The following CYP7B1 variants were observed in gnomAD, a reference collection of about 807,000 sequenced individuals.
CYP7B1 encodes the protein cytochrome P450 family 7 subfamily B member 1.
A neutral mutation model predicts 42.7 loss-of-function variants in CYP7B1; 29 were observed. That is an observed-to-expected ratio of 0.68 (90% CI 0.51 to 0.93). CYP7B1 has a LOEUF of 0.93. CYP7B1 is among the 40% of genes least tolerant of loss of function. The pLI is 0.00. For synonymous variants in CYP7B1, 235 were observed against 218.2 expected (o/e 1.08, Z -0.68); for missense variants, 655 against 600.5 (o/e 1.09, Z -0.95).
chr8:64,612,614 A>G (rs1270815473), intron 4 of CYP7B1, among the ~76,000 whole-genome samples: 4 of 152,136 alleles, frequency 2.6e-5, no homozygotes, highest in Admixed American at 2.6e-4. Context: ...TTATAATCAA[A>G]GTGTGCTGAC....
chr8:64,680,567 C>CAAAA (rs36027601), intron 1 of CYP7B1, among the ~76,000 whole-genome samples: 7 of 149,650 alleles, frequency 4.7e-5, no homozygotes, highest in African/African-American at 1.7e-4. Flanking sequence ...TAAGAATTCA[C>CAAAA]AAAAAAAAAC....
chr8:64,728,032 T>C (rs771218619), intron 1 of CYP7B1: 1 of 152,268 alleles, frequency 6.6e-6, no homozygotes, highest in African/African-American at 2.4e-5. Flanking sequence ...AATAGGGTCA[T>C]AAGTCGTGGG....
chr8:64,758,258 C>G (rs1264351809), intron 1 of CYP7B1, among the ~76,000 whole-genome samples: 2 of 152,296 alleles, frequency 1.3e-5, no homozygotes, highest in Non-Finnish European at 1.5e-5. Flanking sequence ...ACAAATGTCA[C>G]TGGCTGAATG....
chr8:64,736,519 T>C (rs1389720852), intron 1 of CYP7B1, among the ~76,000 whole-genome samples: 1 of 152,178 alleles, frequency 6.6e-6, no homozygotes, highest in African/African-American at 2.4e-5. Context: ...GGCATGATCT[T>C]GGCTCACTGC....
In CYP7B1 at chr8:64,593,663, G is replaced by T. The variant is rs898733337; in HGVS notation, c.*2979C>A. Among the ~76,000 whole-genome samples the T allele has an allele frequency of 6.6e-6, 1 of 152,090 alleles. No homozygotes were observed. Among genetic ancestry groups the T allele is most frequent in the Non-Finnish European group, 1.5e-5 (1 of 68,008 alleles). On this transcript the variant is annotated 3_prime_UTR_variant, in exon 6 of 6. Coordinates refer to ENST00000310193, the MANE Select transcript of CYP7B1 (RefSeq NM_004820.5). ...AATCTAGGTCTAAAGATTTTTCAGA[G>T]ATAAAAATCCAAGGAACATGGGCTC... is the stretch of plus-strand genomic sequence containing the variant.
At chr8:64,634,476 G>A (rs1749702971) in intron 1 of CYP7B1, among the ~76,000 whole-genome samples, 1 of 151,596 alleles carries the variant, frequency 6.6e-6, no homozygotes, top group Non-Finnish European at 1.5e-5. Context: ...CTACTCAGGA[G>A]ACTGAGGCAG....
chr8:64,678,318 C>T (rs981722692), intron 1 of CYP7B1, among the ~76,000 whole-genome samples: 1 of 152,000 alleles, frequency 6.6e-6, no homozygotes, highest in Non-Finnish European at 1.5e-5. Flanking sequence ...TGCTGGGAGT[C>T]CCTAAAACAG....
At chr8:64,702,213 G>T (rs1053012974) in intron 1 of CYP7B1, among the ~76,000 whole-genome samples, 7 of 151,980 alleles carry the variant, frequency 4.6e-5, no homozygotes, top group Non-Finnish European at 7.4e-5. Flanking sequence ...AATAACCTCT[G>T]CACTGCACAA....
At chr8:64,695,064 T>C (rs2129632299) in intron 1 of CYP7B1, among the ~76,000 whole-genome samples, 1 of 152,204 alleles carries the variant, frequency 6.6e-6, no homozygotes, top group African/African-American at 2.4e-5. Flanking sequence ...TCAAAACAAT[T>C]CGAACCCTTC....
chr8:64,596,988 C>A, intron 5 of CYP7B1, 59 bp from the exon 6 acceptor site: 1 of 1,460,042 alleles, frequency 6.8e-7, no homozygotes, highest in South Asian at 1.2e-5. Context: ...GAGTTCAAGT[C>A]CACAAAGTTG....
At chr8:64,643,188 T>TACACAC (rs1320319761) in intron 1 of CYP7B1, among the ~76,000 whole-genome samples, 1 of 142,170 alleles carries the variant, frequency 7.0e-6, no homozygotes, top group African/African-American at 2.6e-5. Context: ...TATACATATA[T>TACACAC]ATATACACAC....
chr8:64,616,387 TA>T (rs1370893286), intron 2 of CYP7B1, 106 bp from the exon 3 acceptor site: 1 of 756,186 alleles, frequency 1.3e-6, no homozygotes, highest in Non-Finnish European at 2.2e-6. Flanking sequence ...AAGACCCTAA[TA>T]ACTAAGGCAA....
At chr8:64,589,723 A>G (rs1487919384), downstream of CYP7B1, 1 of 152,212 alleles carries the variant, frequency 6.6e-6, no homozygotes, top group Non-Finnish European at 1.5e-5. Context: ...ACAAATAAGA[A>G]TCTCCAACTA....
chr8:64,684,584 T>A (rs1436643135), intron 1 of CYP7B1, among the ~76,000 whole-genome samples: 1 of 152,186 alleles, frequency 6.6e-6, no homozygotes, highest in African/African-American at 2.4e-5. Context: ...AAAAAATGTA[T>A]AAGGTCACAA....
intron 1 of CYP7B1, among the ~76,000 whole-genome samples, chr8:64,789,443 G>A (rs73688014): frequency 6.6e-6 from 1 of 152,058 alleles, no homozygotes; most frequent in African/African-American, 2.4e-5. Context: ...AAGAGTCCCA[G>A]TGTTTTACTA....
rs371708028 is a variant in CYP7B1 at position 64,688,652 on chromosome 8, C to T, written c.123-64113G>A. 1.1e-4 allele frequency among the ~76,000 whole-genome samples: 17 copies of T among 152,262 alleles called. 1 individual carries two copies. The East Asian group carries it at 1.9e-3, about 17-fold the overall frequency. ...AAAATTGTTGATTTAGGGCCAGGTG[C>T]AGTGGCTCATGCCTATGATCCCAGC... On this transcript the variant is annotated intron_variant, in intron 1 of 5. Transcript: ENST00000310193.
intron 1 of CYP7B1, among the ~76,000 whole-genome samples, chr8:64,708,512 G>A (rs921049743): frequency 1.3e-5 from 2 of 152,150 alleles, no homozygotes; most frequent in African/African-American, 4.8e-5. Context: ...TATAATGTCA[G>A]TATCAGGATT....
intron 1 of CYP7B1, among the ~76,000 whole-genome samples, chr8:64,766,523 A>G (rs912318586): frequency 3.3e-5 from 5 of 152,132 alleles, no homozygotes; most frequent in African/African-American, 4.8e-5. Flanking sequence ...GATTAAAAAA[A>G]AAAAAAGGCC....
intron 1 of CYP7B1, among the ~76,000 whole-genome samples, chr8:64,784,542 A>G (rs1804489636): frequency 6.6e-6 from 1 of 152,148 alleles, no homozygotes; most frequent in South Asian, 2.1e-4. Flanking sequence ...TATATCAAGC[A>G]CCTAGTATGT....
Sources: allele counts gnomAD v4.1 joint callset (sites outside exome capture counted in the v4.1 genomes callset), GRCh38; gene constraint gnomAD v4.1.1; transcripts MANE v1.5; gene names NCBI Gene and HGNC (gene_info 2026-07-23, HGNC 2026-07-21).